GALNT13: variants seen among roughly 807,000 people sequenced by gnomAD.
GALNT13 encodes UDP-GalNAc:polypeptide N-acetylgalactosaminyltransferase 13.
GALNT13 carries 28 observed loss-of-function variants against 64.2 expected under a neutral mutation model. That is an observed-to-expected ratio of 0.44 (90% CI 0.32 to 0.60). The LOEUF (loss-of-function observed/expected upper bound fraction) is 0.60. Among genes scored for constraint, GALNT13 ranks in the 20% least tolerant of loss-of-function variants. The pLI is 0.05. For missense variants in GALNT13, 577 were observed against 669.8 expected (o/e 0.86, Z 1.53); for synonymous variants, 214 against 224.6 (o/e 0.95, Z 0.42).
At chr2:153,659,749 C>A in the GALNT13 span, among the ~76,000 whole-genome samples, 1 of 152,068 alleles carries the variant, frequency 6.6e-6, no homozygotes, top group Non-Finnish European at 1.5e-5. Flanking sequence ...ACTCTGAGCG[C>A]ACTGCCTATA....
the GALNT13 span, among the ~76,000 whole-genome samples, chr2:153,675,427 A>G: frequency 6.6e-6 from 1 of 152,214 alleles, no homozygotes; most frequent in African/African-American, 2.4e-5. Context: ...CATCACTCTC[A>G]GCAAACTATC....
At chr2:153,208,443 G>A in the GALNT13 span, among the ~76,000 whole-genome samples, 1 of 151,970 alleles carries the variant, frequency 6.6e-6, no homozygotes, top group Non-Finnish European at 1.5e-5. Context: ...CTTTTACCTA[G>A]CATAATACTT....
chr2:153,825,218 T>A, the GALNT13 span, among the ~76,000 whole-genome samples: 1 of 152,218 alleles, frequency 6.6e-6, no homozygotes, highest in Non-Finnish European at 1.5e-5. Context: ...TGCTGCTTAA[T>A]GTTCTAAAAG....
At chr2:153,439,722 C>A in the GALNT13 span, among the ~76,000 whole-genome samples, 3 of 152,130 alleles carry the variant, frequency 2.0e-5, no homozygotes, top group African/African-American at 7.2e-5. Flanking sequence ...TCAGTCACCC[C>A]TTTCTTTGAC....
the GALNT13 span, among the ~76,000 whole-genome samples, chr2:153,155,904 C>T: frequency 2.0e-4 from 30 of 152,124 alleles, no homozygotes; most frequent in African/African-American, 7.0e-4. Flanking sequence ...ACTGCATTAG[C>T]TATGTCCCAG....
the GALNT13 span, among the ~76,000 whole-genome samples, chr2:153,780,236 T>TATATATATATATATGC: frequency 8.9e-5 from 1 of 11,212 alleles, no homozygotes; most frequent in African/African-American, 2.0e-4. Context: ...TATATATATA[T>TATATATATATATATGC]ATATATATAT....
rs563735306 is a variant in GALNT13, at chr2:154,067,389, G to A, written c.143-72948G>A. ...TGACCCAACAATCTGTTGCCTACAAGAAACAGACTTCACCTATAAAGACAC... is the reference window on the plus strand; with the variant it reads ...TGACCCAACAATCTGTTGCCTACAAAAAACAGACTTCACCTATAAAGACAC... On this transcript the variant is annotated intron_variant, in intron 3 of 12. Transcript: ENST00000392825. Among the ~76,000 whole-genome samples, 688 of 152,026 alleles carry A rather than the reference G, an allele frequency of 4.5e-3. 2 individuals carry two copies. The highest frequency in any genetic ancestry group is 7.3e-3 in the Non-Finnish European group (499 of 67,902).
intron 9 of GALNT13, among the ~76,000 whole-genome samples, chr2:154,313,240 G>T (rs1255103648): frequency 2.1e-5 from 3 of 144,826 alleles, no homozygotes; most frequent in Non-Finnish European, 3.0e-5. Context: ...ATATATTTAT[G>T]CATATGTATA....
the GALNT13 span, among the ~76,000 whole-genome samples, chr2:153,547,551 A>G: frequency 2.0e-5 from 3 of 152,238 alleles, no homozygotes; most frequent in South Asian, 2.1e-4. Context: ...TTCTCATTCA[A>G]TAAAATTAAT....
the GALNT13 span, among the ~76,000 whole-genome samples, chr2:153,254,788 A>T: frequency 3.3e-5 from 5 of 152,020 alleles, no homozygotes; most frequent in African/African-American, 9.7e-5. Context: ...TTTGAGTGAG[A>T]TTCTTAATCC....
the GALNT13 span, among the ~76,000 whole-genome samples, chr2:153,775,486 T>A: frequency 3.3e-5 from 5 of 152,094 alleles, no homozygotes; most frequent in African/African-American, 9.7e-5. Flanking sequence ...GAGGGCAAAA[T>A]CCCAAGTTAT....
At chr2:153,414,072 C>T in the GALNT13 span, among the ~76,000 whole-genome samples, 1 of 152,090 alleles carries the variant, frequency 6.6e-6, no homozygotes, top group African/African-American at 2.4e-5. Flanking sequence ...AACCTTATTT[C>T]TTTGTTTTAT....
At chr2:154,391,799 G>A (rs1047654614) in intron 9 of GALNT13, among the ~76,000 whole-genome samples, 2 of 152,132 alleles carry the variant, frequency 1.3e-5, no homozygotes, top group African/African-American at 4.8e-5. Flanking sequence ...CAAAGTTTTT[G>A]TTGAGAAGGC....
At chr2:153,595,425 A>G in the GALNT13 span, among the ~76,000 whole-genome samples, 1 of 151,928 alleles carries the variant, frequency 6.6e-6, no homozygotes, top group Admixed American at 6.6e-5. Flanking sequence ...CAGTTTGTAT[A>G]ATAAAACAAA....
At chr2:154,089,408 G>T (rs1254855272) in intron 3 of GALNT13, among the ~76,000 whole-genome samples, 1 of 152,068 alleles carries the variant, frequency 6.6e-6, no homozygotes, top group Non-Finnish European at 1.5e-5. Context: ...GGTGATCGGG[G>T]CCCGCCCATT....
At chr2:153,984,636 T>A (rs1483973692) in intron 3 of GALNT13, among the ~76,000 whole-genome samples, 1 of 151,870 alleles carries the variant, frequency 6.6e-6, no homozygotes, top group African/African-American at 2.4e-5. Flanking sequence ...CAATTTTAAG[T>A]GTGCATTATG....
the GALNT13 span, chr2:153,208,191 T>C: frequency 6.6e-6 from 1 of 152,192 alleles, no homozygotes; most frequent in Non-Finnish European, 1.5e-5. Context: ...ATTTAATGTA[T>C]GCTTTAATAT....
intron 3 of GALNT13, among the ~76,000 whole-genome samples, chr2:154,078,636 T>G: frequency 7.2e-6 from 1 of 138,030 alleles, no homozygotes; most frequent in South Asian, 2.6e-4. Flanking sequence ...CCTGTTTGCT[T>G]TACATATTAC....
chr2:153,886,190 A>C (rs968518520), intron 1 of GALNT13, among the ~76,000 whole-genome samples: 3 of 150,612 alleles, frequency 2.0e-5, no homozygotes, highest in African/African-American at 7.3e-5. Context: ...AAAAAAAAAA[A>C]CAAATTAACA....
Sources: gnomAD v4.1 joint callset for allele counts (sites outside exome capture counted in the v4.1 genomes callset) on GRCh38, gnomAD v4.1.1 for gene constraint, MANE v1.5 for transcripts, NCBI Gene and HGNC (gene_info 2026-07-23, HGNC 2026-07-21) for gene names.